Variants in VANGL1 observed in about 807,000 individuals in gnomAD.
VANGL1 encodes the protein VANGL planar cell polarity protein 1, also known as vang-like protein 1.
Under a neutral mutation model 48.4 loss-of-function variants are expected in VANGL1, and 18 were observed. The ratio of observed to expected loss-of-function variants is 0.37; its 90% CI spans 0.26 to 0.55. The LOEUF (loss-of-function observed/expected upper bound fraction) is 0.55. VANGL1 is among the 20% of genes least tolerant of loss of function. The pLI is 0.81. For synonymous variants in VANGL1, 257 were observed against 261.8 expected (o/e 0.98, Z 0.18); for missense variants, 667 against 675.8 (o/e 0.99, Z 0.14).
At chr1:115,648,862 G>A (rs1652034525) in intron 1 of VANGL1, among the ~76,000 whole-genome samples, 1 of 152,202 alleles carries the variant, frequency 6.6e-6, no homozygotes, top group African/African-American at 2.4e-5. Context: ...GGAATCCAGA[G>A]TTATGGGTTG....
In VANGL1 at chr1:115,694,633, CTGAG is replaced by C. The variant is rs1653968754; in HGVS notation, c.*3261_*3264del. On this transcript the variant is annotated 3_prime_UTR_variant, in exon 8 of 8. Transcript: ENST00000355485. ...TTACCTTGCCACTCCAACCTACGTA[CTGAG>C]TGAGTGCTCCAGCCACTCAGTGAAA... is the stretch of plus-strand genomic sequence containing the variant. The C allele has an allele frequency of 6.6e-6, 1 of 152,194 alleles. No individual in the cohort carries two copies. Among genetic ancestry groups the C allele is most frequent in the Non-Finnish European group, 1.5e-5 (1 of 68,032 alleles). 9.4% of individuals were successfully genotyped at this position (152,194 alleles called of 1,614,324 possible). A position where few individuals can be genotyped will look rare whatever the true frequency, so the allele number is the denominator to read the frequency against.
intron 1 of VANGL1, among the ~76,000 whole-genome samples, chr1:115,645,445 CA>C (rs1293480218): frequency 1.3e-5 from 2 of 152,152 alleles, no homozygotes; most frequent in African/African-American, 2.4e-5. Context: ...TGAATTATCT[CA>C]TTTAATACCT....
chr1:115,668,771 C>T (rs952785783), intron 4 of VANGL1, among the ~76,000 whole-genome samples: 1 of 152,194 alleles, frequency 6.6e-6, no homozygotes, highest in Non-Finnish European at 1.5e-5. Flanking sequence ...CTCATGGCCT[C>T]TCCTTGTTGT....
chr1:115,644,711 G>A (rs918529112), intron 1 of VANGL1, among the ~76,000 whole-genome samples: 4 of 152,154 alleles, frequency 2.6e-5, no homozygotes, highest in African/African-American at 9.7e-5. Flanking sequence ...TTAAATATCT[G>A]GCAGGGAACA....
At chr1:115,655,505 T>C (rs994475709) in intron 2 of VANGL1, among the ~76,000 whole-genome samples, 1 of 152,196 alleles carries the variant, frequency 6.6e-6, no homozygotes, top group Non-Finnish European at 1.5e-5. Flanking sequence ...GATATACTTA[T>C]CTTTACTCAT....
chr1:115,672,820 C>T (rs1232345269), intron 4 of VANGL1, among the ~76,000 whole-genome samples: 3 of 152,182 alleles, frequency 2.0e-5, no homozygotes, highest in South Asian at 2.1e-4. Flanking sequence ...TGGCGTTCAG[C>T]GTCCAGGGGC....
At position 115,662,810 on chromosome 1, in the gene VANGL1, G is replaced by A. The variant is rs370125029; in HGVS notation, c.205-851G>A. 2.4e-3 allele frequency among the ~76,000 whole-genome samples: 339 copies of A among 143,702 alleles called. 10 individuals are homozygous for A. In the South Asian group the frequency reaches 0.048, roughly 20 times the overall value. 94.3% of individuals were successfully genotyped at this position (143,702 alleles called of 152,430 possible). A position where few individuals can be genotyped will look rare whatever the true frequency, so the allele number is the denominator to read the frequency against. ...GATTTTTTTTTTTTTTTTTTGAGAC[G>A]GAGTCTCACTCTGTAGCCCAGGCTG... On this transcript the variant is annotated intron_variant, in intron 3 of 7. Transcript: ENST00000355485.
chr1:115,667,142 G>A (rs1479566490), intron 4 of VANGL1, among the ~76,000 whole-genome samples: 9 of 152,208 alleles, frequency 5.9e-5, no homozygotes, highest in African/African-American at 1.7e-4. Context: ...AGCCTTCACC[G>A]TGGCAGCACC....
chr1:115,660,237 G>T (rs1010836611), intron 3 of VANGL1, among the ~76,000 whole-genome samples: 1 of 152,154 alleles, frequency 6.6e-6, no homozygotes, highest in South Asian at 2.1e-4. Flanking sequence ...GCCCTGGGTC[G>T]AAAAGAGGGG....
In VANGL1 at chr1:115,655,109, C is replaced by G. The variant is rs1057005835; in HGVS notation, c.71+3625C>G. ...AAGGCTGCTTCAGAGTCTGTGTGTCCTGCGCCCAGCGCTCCTACCCCAGCC... is the reference window on the plus strand; with the variant it reads ...AAGGCTGCTTCAGAGTCTGTGTGTCGTGCGCCCAGCGCTCCTACCCCAGCC... On this transcript the variant is annotated intron_variant, in intron 2 of 7. Coordinates refer to ENST00000355485, the MANE Select transcript of VANGL1 (RefSeq NM_138959.3). Among the ~76,000 whole-genome samples, 3 of 152,160 alleles carry G rather than the reference C, an allele frequency of 2.0e-5. No individual in the cohort carries two copies. The East Asian group carries it at 5.8e-4, about 29-fold the overall frequency.
In VANGL1 at chr1:115,663,704, C is replaced by T. The variant is rs146695372; in HGVS notation, c.248C>T (p.Ser83Leu). ...ACCACCACGGCCATCACAGGCACCT[C>T]GGAGCACAGCATATCCCAAGAGGAC... ...GETTTAITGT[S>L]EHSISQEDIA... is the part of the protein sequence containing the mutation. Residue 83 changes from serine to leucine, a missense_variant, in exon 4 of 8, where the codon TCG (serine) becomes TTG (leucine). Physicochemically the swap from Ser to Leu is moderately radical, Grantham distance 145 (BLOSUM62 -2). Transcript: ENST00000355485. The T allele has an allele frequency of 5.2e-5, 84 of 1,614,170 alleles. No individual in the cohort carries two copies. Among genetic ancestry groups the T allele is most frequent in the African/African-American group, 1.5e-4 (11 of 75,036 alleles).
chr1:115,665,535 C>A (rs964466765), intron 4 of VANGL1, among the ~76,000 whole-genome samples: 5 of 152,222 alleles, frequency 3.3e-5, no homozygotes, highest in Non-Finnish European at 4.4e-5. Flanking sequence ...TATTTGGAGT[C>A]AGGCCATGCT....
chr1:115,658,104 C>A (rs1652413579), intron 2 of VANGL1, among the ~76,000 whole-genome samples: 1 of 152,150 alleles, frequency 6.6e-6, no homozygotes, highest in South Asian at 2.1e-4. Flanking sequence ...ACTGTATCAG[C>A]AATAGAGTGT....
rs143008537 is a variant in VANGL1 at position 115,673,826 on chromosome 1, C to T, written c.813-8538C>T. On this transcript the variant is annotated intron_variant, in intron 4 of 7. Coordinates refer to ENST00000355485, the MANE Select transcript of VANGL1 (RefSeq NM_138959.3). Reference sequence around the variant, plus strand: ...TGTTGGTCAGGCTGGTCTTGAACTCCTGACCTCAAATGATCTGCCTGTGTC... The same window carrying T: ...TGTTGGTCAGGCTGGTCTTGAACTCTTGACCTCAAATGATCTGCCTGTGTC... 8.8e-3 allele frequency among the ~76,000 whole-genome samples: 1,337 copies of T among 152,140 alleles called. 20 individuals carry two copies. Among genetic ancestry groups the T allele is most frequent in the African/African-American group, 0.03 (1,262 of 41,486 alleles).
chr1:115,652,463 A>G (rs1366832884), intron 2 of VANGL1, among the ~76,000 whole-genome samples: 1 of 152,204 alleles, frequency 6.6e-6, no homozygotes, highest in African/African-American at 2.4e-5. Flanking sequence ...TAAAATGGGT[A>G]CAGCAGTCCT....
At chr1:115,651,644 A>G (rs1171862498) in intron 2 of VANGL1, among the ~76,000 whole-genome samples, 160 bp downstream of exon 2, 3 of 152,310 alleles carry the variant, frequency 2.0e-5, no homozygotes, top group South Asian at 4.1e-4. Context: ...GGGAGTAACT[A>G]CGTCACCAGT....
At chr1:115,661,198 T>C (rs1652534246) in intron 3 of VANGL1, among the ~76,000 whole-genome samples, 2 of 152,148 alleles carry the variant, frequency 1.3e-5, no homozygotes, top group Non-Finnish European at 1.5e-5. Context: ...TTATTGAAAA[T>C]CTAGGGGTTT....
intron 2 of VANGL1, among the ~76,000 whole-genome samples, chr1:115,652,009 C>G (rs1652169900): frequency 6.6e-6 from 1 of 152,166 alleles, no homozygotes; most frequent in South Asian, 2.1e-4. Flanking sequence ...GCCTCGGTTT[C>G]TAGGTATTTC....
chr1:115,653,681 C>T (rs1348030050), intron 2 of VANGL1, among the ~76,000 whole-genome samples: 2 of 152,190 alleles, frequency 1.3e-5, no homozygotes, highest in Non-Finnish European at 2.9e-5. Context: ...ATTGATATTC[C>T]AATGCCCTTG....
Sources: gnomAD v4.1 joint callset for allele counts (sites outside exome capture counted in the v4.1 genomes callset) on GRCh38, gnomAD v4.1.1 for gene constraint, MANE v1.5 for transcripts, NCBI Gene and HGNC (gene_info 2026-07-23, HGNC 2026-07-21) for gene names.